CHFR: variants seen among roughly 807,000 people sequenced by gnomAD.
CHFR encodes the protein checkpoint with forkhead and ring finger domains.
CHFR carries 57 observed loss-of-function variants against 87.6 expected under a neutral mutation model. The ratio of observed to expected loss-of-function variants is 0.65; its 90% CI spans 0.53 to 0.81. The LOEUF is 0.81. Among genes scored for constraint, CHFR ranks in the 30% least tolerant of loss-of-function variants. The pLI is 0.00. For synonymous variants in CHFR, 381 were observed against 359.2 expected, an observed-to-expected ratio of 1.06 and a Z score of -0.69; for missense variants, 797 against 865.8, an observed-to-expected ratio of 0.92 and a Z score of 1.00.
Position 132,879,202 on chromosome 12 carries a change from C to G in CHFR, c.134-1548G>C, listed in dbSNP as rs1319787719. Among the ~76,000 whole-genome samples the G allele has an allele frequency of 1.1e-4, 17 of 151,586 alleles. 1 individual carries two copies. The highest frequency in any genetic ancestry group is 1.1e-3 in the Admixed American group (17 of 15,180). On this transcript the variant is annotated intron_variant, in intron 2 of 17. Transcript: ENST00000450056. ...TGTATTTTTAGTAGAGACGGGGTTTCACCATGCTGGTCTTGAACTCCTGAC... is the reference window on the plus strand; with the variant it reads ...TGTATTTTTAGTAGAGACGGGGTTTGACCATGCTGGTCTTGAACTCCTGAC...
chr12:132,869,750 G>A lies in CHFR; in HGVS notation c.452C>T (p.Pro151Leu), dbSNP rs1298364440. The change falls in exon 6 of 18, where the codon CCG becomes CTG. Residue 151 changes from proline (P) to leucine (L), a missense_variant. Pro to Leu is a moderately conservative substitution (Grantham distance 98). Transcript: ENST00000450056. ...GCACACCTGAGTGGCGGGCGACGAC[G>A]GAGGGACCCGGGGATCGGCCCCTCG... ...AGRGADPRVP[P>L]SSPATQVCFE... is the part of the protein sequence containing the mutation. 6.4e-6 allele frequency: 10 copies of A among 1,551,332 alleles called. 1 individual carries two copies. In the South Asian group the frequency reaches 7.1e-5, roughly 11 times the overall value.
chr12:132,879,468 G>A (rs183016641), intron 2 of CHFR, among the ~76,000 whole-genome samples: 67 of 145,592 alleles, frequency 4.6e-4, no homozygotes, highest in Admixed American at 2.1e-3. Context: ...TCAGCTCACT[G>A]CAACCTCTGC....
In CHFR at chr12:132,887,279, C is replaced by G; in HGVS notation, c.50G>C (p.Gly17Ala). 6.7e-7 allele frequency: 1 copy of G among 1,492,062 alleles called. No homozygotes were observed. The highest frequency in any genetic ancestry group is 8.9e-7 in the Non-Finnish European group (1 of 1,128,116). The allele number at this position is 1,492,062 out of a possible 1,614,324, so 92.4% of individuals were successfully genotyped here. A position where few individuals can be genotyped will look rare whatever the true frequency, so the allele number is the denominator to read the frequency against. ...GKQSPPPQPW[G>A]RLLRLGAEEG... is the part of the protein sequence containing the mutation. ...CTCCGCGCCCAGACGCAGGAGCCGT[C>G]CCCAGGGCTGCGGCGGCGGCGACTG... is the stretch of plus-strand genomic sequence containing the variant. Residue 17 changes from glycine (G) to alanine (A), a missense_variant, in exon 2 of 18, where the codon GGA becomes GCA. Physicochemically the swap from Gly to Ala is moderately conservative, Grantham distance 60. Around this residue, in one of 2 missense-constraint regions of CHFR, gnomAD observed 597 missense variants for 601.2 expected, o/e 0.99. Transcript: ENST00000450056.
intron 4 of CHFR, among the ~76,000 whole-genome samples, chr12:132,871,750 C>A (rs1299784763): frequency 5.3e-5 from 8 of 151,302 alleles, no homozygotes; most frequent in Non-Finnish European, 1.0e-4. Flanking sequence ...TCAGCCTGGG[C>A]AACAAGAGCG....
intron 2 of CHFR, among the ~76,000 whole-genome samples, chr12:132,886,391 T>C (rs543048125): frequency 6.9e-6 from 1 of 145,984 alleles, no homozygotes; most frequent in African/African-American, 2.5e-5. Flanking sequence ...AAAAAAAAAA[T>C]TGCTTCCAAA....
rs755310429 is a variant in CHFR at position 132,851,655 on chromosome 12, C to T, written c.1455G>A (p.Ala485=). The T allele has an allele frequency of 8.1e-6, 13 of 1,613,060 alleles. No individual in the cohort carries two copies. The East Asian group carries it at 1.3e-4, about 17-fold the overall frequency. Residue 485 remains alanine, a synonymous_variant, in exon 12 of 18, where the codon GCG becomes GCA. Coordinates refer to ENST00000450056, the MANE Select transcript of CHFR (RefSeq NM_001161346.2). Reference sequence around the variant, plus strand: ...CGACACGCGGGTCCTGCTCGCGCTCCGCTCTCCGGTCGGGCATGGGCTGGA... The same window carrying T: ...CGACACGCGGGTCCTGCTCGCGCTCTGCTCTCCGGTCGGGCATGGGCTGGA... ...CCFQPMPDRR[A]EREQDPRVAP...
intron 14 of CHFR, chr12:132,847,734 C>T: frequency 8.6e-7 from 1 of 1,168,548 alleles, no homozygotes; most frequent in Non-Finnish European, 1.1e-6. Context: ...AGACAGGGAC[C>T]AGAGAAAAGG....
At chr12:132,863,475 A>C (rs1363718292) in intron 6 of CHFR, among the ~76,000 whole-genome samples, 1 of 152,102 alleles carries the variant, frequency 6.6e-6, no homozygotes, top group Non-Finnish European at 1.5e-5. Context: ...ATTGCACTCC[A>C]GCCTGGGCAG....
At chr12:132,881,273 T>G (rs1022139427) in intron 2 of CHFR, among the ~76,000 whole-genome samples, 29 of 143,550 alleles carry the variant, frequency 2.0e-4, no homozygotes, top group African/African-American at 6.6e-4. Flanking sequence ...AAAAAAAAAG[T>G]AAAAATCTGT....
At chr12:132,869,420 G>GGTAC (rs1951433920) in intron 6 of CHFR, among the ~76,000 whole-genome samples, 199 bp downstream of exon 6, 1 of 152,100 alleles carries the variant, frequency 6.6e-6, no homozygotes, top group Admixed American at 6.5e-5. Flanking sequence ...AATACACAAT[G>GGTAC]GTACTAGAGT....
intron 2 of CHFR, among the ~76,000 whole-genome samples, chr12:132,881,997 C>G (rs942459758): frequency 6.6e-6 from 1 of 152,202 alleles, no homozygotes; most frequent in Non-Finnish European, 1.5e-5. Flanking sequence ...GCGGCAGTTT[C>G]TCAGCAAGTT....
intron 12 of CHFR, chr12:132,849,405 C>T (rs1465993012): frequency 6.6e-6 from 1 of 151,828 alleles, no homozygotes; most frequent in Non-Finnish European, 1.5e-5. Context: ...CATTTACAGG[C>T]GTGATGCACT....
rs117246365 is a variant in CHFR, at chr12:132,840,711, C to T, written c.*843G>A. 1,396 of 150,554 alleles carry T rather than the reference C, an allele frequency of 9.3e-3. 2 individuals are homozygous for T. Among genetic ancestry groups the T allele is most frequent in the Non-Finnish European group, 0.014 (932 of 66,618 alleles). 9.3% of individuals were successfully genotyped at this position (150,554 alleles called of 1,614,324 possible). On this transcript the variant is annotated 3_prime_UTR_variant, in exon 18 of 18. Coordinates refer to ENST00000450056, the MANE Select transcript of CHFR (RefSeq NM_001161346.2). ...CTGCCTCCAGCCCTGGGCTTGGGGC[C>T]GTGGTCACTCACACAAGGGAGCAGC...
chr12:132,847,872 A>G, intron 14 of CHFR: 1 of 1,413,412 alleles, frequency 7.1e-7, no homozygotes, highest in East Asian at 2.6e-5. Context: ...ACAAAAACGA[A>G]ATACCTATTT....
intron 6 of CHFR, chr12:132,862,035 G>A: frequency 4.9e-6 from 1 of 205,688 alleles, no homozygotes; most frequent in South Asian, 7.3e-5. Flanking sequence ...CACGTTGGGA[G>A]GCCGAAGCAA....
Position 132,887,122 on chromosome 12 carries a change from C to G in CHFR, c.133+74G>C. 4.6e-6 allele frequency: 6 copies of G among 1,298,182 alleles called. No homozygotes were observed. The South Asian group carries it at 9.6e-5, about 21-fold the overall frequency. The allele number at this position is 1,298,182 out of a possible 1,614,324, so 80.4% of individuals were successfully genotyped here. On this transcript the variant is annotated intron_variant, in intron 2 of 17. Coordinates refer to ENST00000450056, the MANE Select transcript of CHFR (RefSeq NM_001161346.2). The stretch of plus-strand genomic sequence containing the variant: ...AAAATCTGGAGCGCACACTGCACCG[C>G]CGCCCGTGTGGCCTGCCCGCAACCC...
At chr12:132,851,033 A>G (rs917767840) in intron 12 of CHFR, among the ~76,000 whole-genome samples, 1 of 149,906 alleles carries the variant, frequency 6.7e-6, no homozygotes, top group Non-Finnish European at 1.5e-5. Flanking sequence ...CTCTGTCGCC[A>G]AGGCTGGAGT....
rs552124453 is a variant in CHFR, at chr12:132,869,866, A to C, written c.404-68T>G. 140 of 1,520,494 alleles carry C rather than the reference A, an allele frequency of 9.2e-5. No homozygotes were observed. The African/African-American group carries it at 1.7e-3, about 18-fold the overall frequency. 94.2% of individuals were successfully genotyped at this position (1,520,494 alleles called of 1,614,324 possible). On this transcript the variant is annotated intron_variant, in intron 5 of 17. Coordinates refer to ENST00000450056, the MANE Select transcript of CHFR (RefSeq NM_001161346.2). ...CCCAAAAGGAGCAGAAGCAGCACAC[A>C]ACCAGGGCTCAAGCAGACACTCTAG... is the stretch of plus-strand genomic sequence containing the variant.
At chr12:132,860,649 C>T (rs1170328537) in intron 7 of CHFR, among the ~76,000 whole-genome samples, 1 of 152,230 alleles carries the variant, frequency 6.6e-6, no homozygotes, top group Non-Finnish European at 1.5e-5. Flanking sequence ...ATAATCTTAA[C>T]TTTGGCTTTC....
Sources: gnomAD v4.1 joint callset for allele counts (sites outside exome capture counted in the v4.1 genomes callset) on GRCh38, gnomAD v4.1.1 for gene constraint, gnomAD v4.1.1 regional missense constraint, MANE v1.5 for transcripts, NCBI Gene and HGNC (gene_info 2026-07-23, HGNC 2026-07-21) for gene names.